The following CASS4 variants were observed in gnomAD, a reference collection of about 807,000 sequenced individuals.
CASS4 encodes Cas scaffold protein family member 4.
In CASS4, 22 loss-of-function variants were observed where a neutral mutation model predicts 54.2. The observed-to-expected ratio is 0.41, with a 90% CI of 0.29 to 0.58. The LOEUF is 0.58. CASS4 is among the 20% of genes least tolerant of loss of function. The pLI is 0.36. For synonymous variants in CASS4, 409 were observed against 391.5 expected, an observed-to-expected ratio of 1.04 and a Z score of -0.53; for missense variants, 854 against 986.7, an observed-to-expected ratio of 0.87 and a Z score of 1.80.
chr20:56,448,417 C>T (rs755612104), intron 3 of CASS4, among the ~76,000 whole-genome samples: 23 of 152,204 alleles, frequency 1.5e-4, no homozygotes, highest in Non-Finnish European at 1.8e-4. Flanking sequence ...AGGCCATCCA[C>T]AGCACGGCTG....
intron 1 of CASS4, among the ~76,000 whole-genome samples, chr20:56,420,289 CA>C (rs1483361188): frequency 6.6e-6 from 1 of 152,102 alleles, no homozygotes; most frequent in Non-Finnish European, 1.5e-5. Flanking sequence ...TAGGGAGGGA[CA>C]GGGGGCAAAA....
At chr20:56,447,075 G>A (rs1980750567) in intron 3 of CASS4, among the ~76,000 whole-genome samples, 1 of 152,020 alleles carries the variant, frequency 6.6e-6, no homozygotes, top group Non-Finnish European at 1.5e-5. Flanking sequence ...GGGCATGGTG[G>A]TTCACGCCTG....
chr20:56,419,020 G>A (rs1334349590), intron 1 of CASS4, among the ~76,000 whole-genome samples: 3 of 152,162 alleles, frequency 2.0e-5, no homozygotes, highest in Admixed American at 6.5e-5. Context: ...AAAAAGCTAA[G>A]GAGAATGCCA....
rs35217347 is a variant in CASS4, at chr20:56,413,672, C to CAAAAAAAAA, written c.36+1197_36+1205dup. Among the ~76,000 whole-genome samples the CAAAAAAAAA allele has an allele frequency of 1.1e-4, 3 of 28,314 alleles. 1 individual carries two copies. The highest frequency in any genetic ancestry group is 2.0e-4 in the Non-Finnish European group (3 of 14,930). The allele number at this position is 28,314 out of a possible 152,430, so 18.6% of individuals were successfully genotyped here. A position where few individuals can be genotyped will look rare whatever the true frequency, so the allele number is the denominator to read the frequency against. ...TGGGTGACAGAGCAAGACTCTGTCTCAAAAAAAAAAAAAAAAAAAAAAAAA... is the reference window on the plus strand; with the variant it reads ...TGGGTGACAGAGCAAGACTCTGTCTCAAAAAAAAAAAAAAAAAAAAAAAAAAAAAAAAAA... On this transcript the variant is annotated intron_variant, in intron 1 of 5. Coordinates refer to ENST00000679887, the MANE Select transcript of CASS4 (RefSeq NM_020356.4).
chr20:56,441,058 G>A (rs1467423634), intron 2 of CASS4, among the ~76,000 whole-genome samples: 2 of 148,824 alleles, frequency 1.3e-5, no homozygotes, highest in Non-Finnish European at 3.0e-5. Flanking sequence ...GCGTGATCTC[G>A]GCTCACTGCA....
intron 3 of CASS4, among the ~76,000 whole-genome samples, chr20:56,448,535 T>C (rs1041848600): frequency 1.3e-5 from 2 of 152,028 alleles, no homozygotes; most frequent in African/African-American, 4.8e-5. Context: ...ATGGGAACAC[T>C]TGATGGTTTG....
At chr20:56,457,325 C>A (rs1443573656) in intron 5 of CASS4, among the ~76,000 whole-genome samples, 1 of 152,148 alleles carries the variant, frequency 6.6e-6, no homozygotes, top group East Asian at 1.9e-4. Context: ...CTCTCATGTG[C>A]TAATGGAATA....
intron 1 of CASS4, among the ~76,000 whole-genome samples, chr20:56,421,093 C>T (rs1427102162): frequency 1.3e-5 from 2 of 152,214 alleles, no homozygotes; most frequent in African/African-American, 4.8e-5. Context: ...ACTCATTTCT[C>T]TGTCATGCAT....
intron 2 of CASS4, among the ~76,000 whole-genome samples, chr20:56,444,984 C>T (rs1980636641): frequency 6.6e-6 from 1 of 152,142 alleles, no homozygotes; most frequent in Non-Finnish European, 1.5e-5. Context: ...GAGGCATGTG[C>T]CTGTAGTCCC....
intron 1 of CASS4, among the ~76,000 whole-genome samples, chr20:56,415,804 G>A (rs1012226298): frequency 1.3e-5 from 2 of 152,182 alleles, no homozygotes; most frequent in Non-Finnish European, 2.9e-5. Flanking sequence ...CTACCTGCTG[G>A]CCAGTAGCTC....
chr20:56,450,513 A>G (rs1980944763), intron 3 of CASS4, 86 bp from the exon 4 acceptor site: 3 of 1,260,018 alleles, frequency 2.4e-6, no homozygotes, highest in Non-Finnish European at 3.4e-6. Context: ...TCCTTTGGAA[A>G]AAAACACTGG....
At chr20:56,427,345 A>G (rs1374661332) in intron 1 of CASS4, among the ~76,000 whole-genome samples, 2 of 151,980 alleles carry the variant, frequency 1.3e-5, no homozygotes, top group Non-Finnish European at 2.9e-5. Context: ...GGTGGGAAAA[A>G]TGTAGGTGGT....
chr20:56,436,692 CCAG>C (rs1980183477), intron 1 of CASS4, among the ~76,000 whole-genome samples: 1 of 151,924 alleles, frequency 6.6e-6, no homozygotes, highest in Non-Finnish European at 1.5e-5. Context: ...GAGTTGGAAA[CCAG>C]CCTGGGCAAT....
At chr20:56,428,026 CCA>C (rs1407899824) in intron 1 of CASS4, among the ~76,000 whole-genome samples, 5 of 152,198 alleles carry the variant, frequency 3.3e-5, no homozygotes, top group Non-Finnish European at 7.3e-5. Context: ...ACCATCTCCA[CCA>C]CTAGTTTGGG....
At chr20:56,415,355 C>A (rs1171239347) in intron 1 of CASS4, among the ~76,000 whole-genome samples, 1 of 152,068 alleles carries the variant, frequency 6.6e-6, no homozygotes, top group East Asian at 1.9e-4. Flanking sequence ...CCACGCAGTA[C>A]CAGGAAACAC....
chr20:56,418,910 G>A (rs1979276093), intron 1 of CASS4, among the ~76,000 whole-genome samples: 1 of 152,058 alleles, frequency 6.6e-6, no homozygotes, highest in South Asian at 2.1e-4. Flanking sequence ...TAATTATTAT[G>A]ACTAATAAAA....
intron 1 of CASS4, among the ~76,000 whole-genome samples, chr20:56,423,783 G>A (rs1447431762): frequency 6.6e-6 from 1 of 152,116 alleles, no homozygotes; most frequent in Non-Finnish European, 1.5e-5. Context: ...GACCTCAAGT[G>A]ATCCGCACAC....
chr20:56,452,982 A>G lies in CASS4; in HGVS notation c.1806A>G (p.Pro602=), dbSNP rs1468997379. 3.1e-5 allele frequency: 50 copies of G among 1,613,950 alleles called. No homozygotes were observed. The highest frequency in any genetic ancestry group is 4.2e-5 in the Non-Finnish European group (49 of 1,180,032). The change falls in exon 5 of 6, where the codon CCA becomes CCG. Residue 602 remains proline, a synonymous_variant. Transcript: ENST00000679887. The stretch of plus-strand genomic sequence containing the variant: ...AGGAAGAGACTGTGCAGTTGACCCC[A>G]AATGCAGAATTTAAGTGTGAAAAAT... The part of the protein sequence containing the change: ...CEKEETVQLT[P]NAEFKCEKYI...
chr20:56,421,098 A>T (rs757682272), intron 1 of CASS4, among the ~76,000 whole-genome samples: 1 of 152,240 alleles, frequency 6.6e-6, no homozygotes, highest in African/African-American at 2.4e-5. Context: ...TTTCTCTGTC[A>T]TGCATTAAAC....
Sources: gnomAD v4.1 joint callset for allele counts (sites outside exome capture counted in the v4.1 genomes callset) on GRCh38, gnomAD v4.1.1 for gene constraint, MANE v1.5 for transcripts, NCBI Gene and HGNC (gene_info 2026-07-23, HGNC 2026-07-21) for gene names.